The following FOXP1 variants were observed in gnomAD, a reference collection of about 807,000 sequenced individuals.
FOXP1 encodes the protein forkhead box protein P1.
FOXP1 carries 15 observed loss-of-function variants against 98.2 expected under a neutral mutation model. The observed-to-expected ratio is 0.15, with a 90% CI of 0.10 to 0.24. The LOEUF is 0.24. Among genes scored for constraint, FOXP1 ranks in the 10% least tolerant of loss-of-function variants. FOXP1 has a pLI of 1.00. For missense variants in FOXP1, 633 were observed against 848.5 expected, an observed-to-expected ratio of 0.75 and a Z score of 3.15; for synonymous variants, 371 against 314.5, an observed-to-expected ratio of 1.18 and a Z score of -1.90.
chr3:70,966,252 G>GCTAA (rs2107020445), intron 19 of FOXP1, 196 bp from the exon 20 acceptor site: 1 of 617,430 alleles, frequency 1.6e-6, no homozygotes, highest in South Asian at 1.8e-5. Flanking sequence ...GTTTTGAAGA[G>GCTAA]CTAACTGGGG....
At chr3:71,509,732 A>G (rs532650893) in intron 2 of FOXP1, among the ~76,000 whole-genome samples, 1 of 152,298 alleles carries the variant, frequency 6.6e-6, no homozygotes, top group South Asian at 2.1e-4. Flanking sequence ...AAAATTAAAA[A>G]TTAGCCGGGC....
chr3:71,277,080 TC>T (rs2070986997), intron 5 of FOXP1, among the ~76,000 whole-genome samples: 1 of 150,316 alleles, frequency 6.7e-6, no homozygotes, highest in Admixed American at 6.7e-5. Flanking sequence ...TGCCTCAGCC[TC>T]CCGAGTAGCT....
intron 6 of FOXP1, among the ~76,000 whole-genome samples, chr3:71,173,524 C>T (rs1369337382): frequency 6.6e-6 from 1 of 152,044 alleles, no homozygotes; most frequent in East Asian, 1.9e-4. Flanking sequence ...TAAAACCATA[C>T]ATTAGACATG....
intron 6 of FOXP1, among the ~76,000 whole-genome samples, chr3:71,173,385 A>T (rs941416416): frequency 2.0e-4 from 10 of 49,366 alleles, no homozygotes; most frequent in African/African-American, 5.5e-4. Context: ...GAAAAAATTC[A>T]CACACACACA....
chr3:71,231,982 T>C (rs986269090), intron 5 of FOXP1, among the ~76,000 whole-genome samples: 7 of 152,240 alleles, frequency 4.6e-5, no homozygotes, highest in Non-Finnish European at 1.0e-4. Context: ...GAAAGAGTTA[T>C]ACAGCTCAAA....
At chr3:71,370,657 T>C (rs562371527) in intron 3 of FOXP1, among the ~76,000 whole-genome samples, 1 of 152,180 alleles carries the variant, frequency 6.6e-6, no homozygotes, top group Non-Finnish European at 1.5e-5. Flanking sequence ...AGTGCATTTG[T>C]AGTAAGTCCC....
intron 19 of FOXP1, chr3:70,970,400 A>T (rs1334715934): frequency 2.9e-6 from 1 of 346,810 alleles, no homozygotes; most frequent in Non-Finnish European, 5.5e-6. Context: ...CCTATCATCC[A>T]GCACATTAAT....
At chr3:71,081,444 A>T (rs1298946141) in intron 7 of FOXP1, among the ~76,000 whole-genome samples, 5 of 152,238 alleles carry the variant, frequency 3.3e-5, no homozygotes, top group Non-Finnish European at 7.3e-5. Flanking sequence ...GGAGGGAAAC[A>T]TGAAGAGCCA....
intron 7 of FOXP1, among the ~76,000 whole-genome samples, chr3:71,093,117 C>G (rs1456537974): frequency 6.6e-6 from 1 of 151,718 alleles, no homozygotes; most frequent in African/African-American, 2.4e-5. Context: ...AAAAATTAGC[C>G]GGGCATAGTG....
chr3:71,166,308 G>A (rs938207163), intron 6 of FOXP1, among the ~76,000 whole-genome samples: 5 of 152,152 alleles, frequency 3.3e-5, no homozygotes, highest in African/African-American at 1.2e-4. Context: ...AGCCGCTAGC[G>A]TGACCATCAC....
rs1168025170 is a variant in FOXP1 at position 71,233,271 on chromosome 3, G to A, written c.-11-34879C>T. Among the ~76,000 whole-genome samples, 113 of 145,246 alleles carry A rather than the reference G, an allele frequency of 7.8e-4. No homozygotes were observed. The Middle Eastern group carries it at 0.01, about 13-fold the overall frequency. ...GAGAGGAGGGAAGGGGAGGAGAGAG[G>A]AGGGGAGGGAAGGGAAATGGTTTCC... On this transcript the variant is annotated intron_variant, in intron 5 of 20. Coordinates refer to ENST00000649528, the MANE Select transcript of FOXP1 (RefSeq NM_001349338.3).
At chr3:71,478,997 G>A (rs1340634179) in intron 3 of FOXP1, among the ~76,000 whole-genome samples, 3 of 152,172 alleles carry the variant, frequency 2.0e-5, no homozygotes, top group Non-Finnish European at 4.4e-5. Flanking sequence ...TGTGTGTGTG[G>A]GCTCTGGCAC....
At chr3:71,407,205 C>T (rs1425764545) in intron 3 of FOXP1, among the ~76,000 whole-genome samples, 1 of 152,088 alleles carries the variant, frequency 6.6e-6, no homozygotes, top group Non-Finnish European at 1.5e-5. Context: ...AATATGTCCT[C>T]TAACTTGAAT....
At chr3:71,047,183 A>T (rs2049137603) in intron 9 of FOXP1, 88 bp from the exon 10 acceptor site, 10 of 1,470,318 alleles carry the variant, frequency 6.8e-6, no homozygotes, top group Non-Finnish European at 9.5e-6. Context: ...CATCATCATC[A>T]AATGCTGAGA....
chr3:71,352,236 G>C (rs1285898287), intron 4 of FOXP1, among the ~76,000 whole-genome samples: 1 of 151,962 alleles, frequency 6.6e-6, no homozygotes, highest in Non-Finnish European at 1.5e-5. Flanking sequence ...GAGGCTGAAG[G>C]GGGTGGATCA....
In FOXP1 at chr3:71,369,064, T is replaced by A. The variant is rs147386517; in HGVS notation, c.-167-9820A>T. ...GGCTTTGTCTATACTTCTCCCATCT[T>A]GACCCCATGGGACCATGTCTTTTTT... On this transcript the variant is annotated intron_variant, in intron 3 of 20. Coordinates refer to ENST00000649528, the MANE Select transcript of FOXP1 (RefSeq NM_001349338.3). Among the ~76,000 whole-genome samples the A allele has an allele frequency of 5.2e-3, 794 of 152,266 alleles. 11 individuals carry two copies. Among genetic ancestry groups the A allele is most frequent in the African/African-American group, 0.018 (757 of 41,552 alleles).
intron 11 of FOXP1, among the ~76,000 whole-genome samples, chr3:71,036,244 G>C (rs2047564322): frequency 1.3e-5 from 2 of 152,128 alleles, no homozygotes; most frequent in African/African-American, 4.8e-5. Flanking sequence ...TAATACACAG[G>C]GCTCCGTCAA....
chr3:71,025,100 G>A (rs749402628), intron 11 of FOXP1, among the ~76,000 whole-genome samples: 5 of 152,078 alleles, frequency 3.3e-5, no homozygotes, highest in Middle Eastern at 3.2e-3. Flanking sequence ...CTATTTAAAC[G>A]AGACGATTTA....
At position 71,506,751 on chromosome 3, in the gene FOXP1, C is replaced by T. The variant is rs529035892; in HGVS notation, c.-297-13196G>A. Among the ~76,000 whole-genome samples, 12 of 152,314 alleles carry T rather than the reference C, an allele frequency of 7.9e-5. No individual in the cohort carries two copies. In the South Asian group the frequency reaches 2.5e-3, roughly 32 times the overall value. On this transcript the variant is annotated intron_variant, in intron 2 of 20. Coordinates refer to ENST00000649528, the MANE Select transcript of FOXP1 (RefSeq NM_001349338.3). ...AGTGCTGGCTCTTGCATCCAGATTT[C>T]CACCTCCATTACTAATATCCTAAGA...
Sources: gnomAD v4.1 joint callset for allele counts (sites outside exome capture counted in the v4.1 genomes callset) on GRCh38, gnomAD v4.1.1 for gene constraint, MANE v1.5 for transcripts, NCBI Gene and HGNC (gene_info 2026-07-23, HGNC 2026-07-21) for gene names.